The following CDH13 variants were observed in gnomAD, a reference collection of about 807,000 sequenced individuals.
CDH13 encodes cadherin 13, also known as cadherin-13.
In CDH13, 24 loss-of-function variants were observed where a neutral mutation model predicts 63.8. The ratio of observed to expected loss-of-function variants is 0.38; its 90% CI spans 0.27 to 0.53. The LOEUF (loss-of-function observed/expected upper bound fraction) is 0.53, where lower values mean the gene tolerates loss of function less well. Ranked by LOEUF, CDH13 falls within the 20% of genes least tolerant of loss-of-function variation. The pLI, the probability that CDH13 is intolerant of heterozygous loss-of-function variation, is 0.85. For synonymous variants in CDH13, 503 were observed against 355.3 expected, an observed-to-expected ratio of 1.42 and a Z score of -4.67; for missense variants, 1,049 against 903.1, an observed-to-expected ratio of 1.16 and a Z score of -2.07.
In CDH13 at chr16:83,340,110, C is replaced by G. The variant is rs370900575; in HGVS notation, c.637-4752C>G. ...CAATGTTTCACTTTTCAATTAATAA[C>G]CAATTTCCTTCTACTTTTGTATTTG... On this transcript the variant is annotated intron_variant, in intron 5 of 13. Transcript: ENST00000567109. 7.2e-5 allele frequency among the ~76,000 whole-genome samples: 11 copies of G among 152,292 alleles called. No homozygotes were observed. The East Asian group carries it at 1.9e-3, about 27-fold the overall frequency.
intron 10 of CDH13, among the ~76,000 whole-genome samples, chr16:83,734,031 C>G (rs1372566787): frequency 1.3e-5 from 2 of 152,110 alleles, no homozygotes; most frequent in Admixed American, 6.6e-5. Flanking sequence ...TGTTTAGTCA[C>G]CAGATTAAAC....
At chr16:82,905,926 G>T (rs995298180) in intron 2 of CDH13, among the ~76,000 whole-genome samples, 1 of 151,888 alleles carries the variant, frequency 6.6e-6, no homozygotes, top group Non-Finnish European at 1.5e-5. Flanking sequence ...CTTTTCCCAG[G>T]CTCTGTTGAA....
intron 1 of CDH13, among the ~76,000 whole-genome samples, chr16:82,837,675 G>T (rs1241390244): frequency 6.6e-6 from 1 of 152,168 alleles, no homozygotes; most frequent in Non-Finnish European, 1.5e-5. Flanking sequence ...GTGTGAAATG[G>T]TTTCTACGAG....
chr16:83,077,501 A>AT (rs1303333311), intron 3 of CDH13, among the ~76,000 whole-genome samples: 1 of 151,680 alleles, frequency 6.6e-6, no homozygotes, highest in Admixed American at 6.6e-5. Flanking sequence ...CCAGCATAAG[A>AT]TTTTTTAGAT....
intron 3 of CDH13, among the ~76,000 whole-genome samples, chr16:83,066,202 T>C (rs201686162): frequency 1.5e-4 from 23 of 152,310 alleles, no homozygotes; most frequent in African/African-American, 5.5e-4. Flanking sequence ...CTCAGCTACA[T>C]GGTGATGATG....
At chr16:82,771,431 T>C (rs1389734409) in intron 1 of CDH13, among the ~76,000 whole-genome samples, 1 of 152,154 alleles carries the variant, frequency 6.6e-6, no homozygotes, top group Non-Finnish European at 1.5e-5. Flanking sequence ...AGGGTCTAGG[T>C]AGAGGCTGCT....
chr16:83,201,698 C>G (rs996743977), intron 4 of CDH13, among the ~76,000 whole-genome samples: 1 of 151,300 alleles, frequency 6.6e-6, no homozygotes, highest in African/African-American at 2.4e-5. Flanking sequence ...GAGATCGAGA[C>G]CATCCCGGCT....
At chr16:83,090,142 C>A (rs2033821244) in intron 3 of CDH13, among the ~76,000 whole-genome samples, 1 of 152,138 alleles carries the variant, frequency 6.6e-6, no homozygotes, top group Non-Finnish European at 1.5e-5. Context: ...TTCCTCCTAC[C>A]CCAGGTCCCA....
chr16:82,850,218 G>T (rs2034000717), intron 1 of CDH13, among the ~76,000 whole-genome samples: 1 of 101,940 alleles, frequency 9.8e-6, no homozygotes, highest in South Asian at 4.3e-4. Context: ...AAGAACATTT[G>T]TGATTCATGG....
chr16:83,320,600 A>G (rs933879267), intron 5 of CDH13, among the ~76,000 whole-genome samples: 10 of 152,224 alleles, frequency 6.6e-5, no homozygotes, highest in African/African-American at 1.9e-4. Flanking sequence ...AACAACCACT[A>G]TTTCTACAAG....
rs147949326 is a variant in CDH13 at position 83,561,200 on chromosome 16, A to C, written c.961-41254A>C. ...AGTGGCTCACACATATAATCCCAGC[A>C]CTTTGGGAGGCTGAGGTGGGCAGTT... On this transcript the variant is annotated intron_variant, in intron 7 of 13. Coordinates refer to ENST00000567109, the MANE Select transcript of CDH13 (RefSeq NM_001257.5). Among the ~76,000 whole-genome samples, 800 of 152,008 alleles carry C rather than the reference A, an allele frequency of 5.3e-3. 11 individuals are homozygous for C. Among genetic ancestry groups the C allele is most frequent in the African/African-American group, 0.018 (766 of 41,460 alleles).
At chr16:83,267,379 C>G (rs919965274) in intron 5 of CDH13, among the ~76,000 whole-genome samples, 2 of 152,116 alleles carry the variant, frequency 1.3e-5, no homozygotes, top group African/African-American at 4.8e-5. Context: ...AATAGCTGTA[C>G]AGCTACCAGT....
intron 6 of CDH13, among the ~76,000 whole-genome samples, chr16:83,372,007 G>A (rs1300241205): frequency 2.0e-5 from 3 of 152,226 alleles, no homozygotes; most frequent in African/African-American, 7.2e-5. Context: ...CAATATGTAG[G>A]TTATTCAGTT....
At chr16:82,809,435 G>C (rs956968312) in intron 1 of CDH13, among the ~76,000 whole-genome samples, 3 of 152,080 alleles carry the variant, frequency 2.0e-5, no homozygotes, top group Non-Finnish European at 4.4e-5. Flanking sequence ...GGAGAGGAGG[G>C]AGTGGTAAGA....
At chr16:82,680,515 A>T (rs1914428655) in intron 1 of CDH13, among the ~76,000 whole-genome samples, 1 of 152,132 alleles carries the variant, frequency 6.6e-6, no homozygotes, top group East Asian at 1.9e-4. Context: ...TGGATAGGAC[A>T]GATTATTTCT....
At chr16:83,744,691 G>A (rs1054331174) in intron 10 of CDH13, among the ~76,000 whole-genome samples, 33 of 152,306 alleles carry the variant, frequency 2.2e-4, no homozygotes, top group South Asian at 1.2e-3. Flanking sequence ...ACTCTGCAAC[G>A]GCTCCCCCGA....
intron 6 of CDH13, among the ~76,000 whole-genome samples, chr16:83,441,172 G>A (rs1013523964): frequency 2.6e-5 from 4 of 152,186 alleles, no homozygotes; most frequent in Admixed American, 1.3e-4. Flanking sequence ...TCATCTGGTC[G>A]ACTGTGGATG....
chr16:83,129,905 C>G (rs1250629049), intron 4 of CDH13, among the ~76,000 whole-genome samples: 6 of 152,170 alleles, frequency 3.9e-5, no homozygotes, highest in Admixed American at 2.0e-4. Flanking sequence ...TCTGCTTTTA[C>G]CTCATTTCCT....
intron 2 of CDH13, among the ~76,000 whole-genome samples, chr16:82,965,648 G>A (rs1024502907): frequency 1.3e-5 from 2 of 151,988 alleles, no homozygotes; most frequent in African/African-American, 4.8e-5. Flanking sequence ...CTCCTGCCAT[G>A]GCCAGTATTA....
Sources: gnomAD v4.1 joint callset for allele counts (sites outside exome capture counted in the v4.1 genomes callset) on GRCh38, gnomAD v4.1.1 for gene constraint, MANE v1.5 for transcripts, NCBI Gene and HGNC (gene_info 2026-07-23, HGNC 2026-07-21) for gene names.